Variants in SAMD12 observed in about 807,000 individuals in gnomAD.
SAMD12 encodes sterile alpha motif domain containing 12, also known as sterile alpha motif domain-containing protein 12.
A neutral mutation model predicts 15.0 loss-of-function variants in SAMD12; 9 were observed. That is an observed-to-expected ratio of 0.60 (90% CI 0.36 to 1.05). The LOEUF (loss-of-function observed/expected upper bound fraction) is 1.05. Among genes scored for constraint, SAMD12 ranks in the 50% least tolerant of loss-of-function variants. The pLI, the probability that SAMD12 is intolerant of heterozygous loss-of-function variation, is 0.01. For missense variants in SAMD12, 230 were observed against 234.2 expected (o/e 0.98, Z 0.12); for synonymous variants, 86 against 90.1 (o/e 0.96, Z 0.25).
At chr8:118,365,709 T>G (rs917319705) in intron 4 of SAMD12, among the ~76,000 whole-genome samples, 2 of 152,148 alleles carry the variant, frequency 1.3e-5, no homozygotes, top group Non-Finnish European at 1.5e-5. Context: ...TCTCCTCTTA[T>G]ATGTCTATAT....
chr8:118,187,049 G>A (rs2129712963), downstream of SAMD12, among the ~76,000 whole-genome samples: 1 of 152,236 alleles, frequency 6.6e-6, no homozygotes, highest in East Asian at 1.9e-4. Context: ...ACTGGGCCAT[G>A]GGAACCTAAT....
intron 2 of SAMD12, among the ~76,000 whole-genome samples, chr8:118,551,044 C>T (rs1826315767): frequency 6.6e-6 from 1 of 152,060 alleles, no homozygotes; most frequent in Non-Finnish European, 1.5e-5. Flanking sequence ...CCTGAGTGAC[C>T]TACAAGGAGA....
At chr8:118,527,499 A>G (rs150301063) in intron 2 of SAMD12, among the ~76,000 whole-genome samples, 312 of 152,312 alleles carry the variant, frequency 2.0e-3, no homozygotes, top group African/African-American at 7.1e-3. Context: ...CAATTTTATA[A>G]TCAGCAGTGA....
chr8:118,543,454 C>T (rs1826038210), intron 2 of SAMD12, among the ~76,000 whole-genome samples: 1 of 152,156 alleles, frequency 6.6e-6, no homozygotes, highest in South Asian at 2.1e-4. Flanking sequence ...GCCAGCTTTT[C>T]TTTCCCTACT....
chr8:118,203,346 C>A lies in SAMD12; in HGVS notation c.434-5614G>T, dbSNP rs923716393. On this transcript the variant is annotated intron_variant, in intron 4 of 4. Coordinates refer to the SAMD12 transcript ENST00000409003. ...CTGGATATAATTTTGCCCCCTACAG[C>A]ACAAATGGCAATGTCTGGAGACACT... 2.0e-5 allele frequency among the ~76,000 whole-genome samples: 3 copies of A among 151,948 alleles called. No individual in the cohort carries two copies. The South Asian group carries it at 6.3e-4, about 32-fold the overall frequency.
chr8:118,347,437 C>T (rs1214877061), intron 4 of SAMD12, among the ~76,000 whole-genome samples: 3 of 152,184 alleles, frequency 2.0e-5, no homozygotes, highest in Middle Eastern at 3.2e-3. Context: ...TCACAACCTT[C>T]TAAGGAAAAC....
At chr8:118,282,600 T>C (rs1813705765) in intron 4 of SAMD12, among the ~76,000 whole-genome samples, 1 of 152,140 alleles carries the variant, frequency 6.6e-6, no homozygotes, top group African/African-American at 2.4e-5. Context: ...GTGGTGGTGG[T>C]GGTTATTCTT....
intron 4 of SAMD12, among the ~76,000 whole-genome samples, chr8:118,257,521 A>C (rs906992290): frequency 6.6e-6 from 1 of 152,122 alleles, no homozygotes. Context: ...TCTCTTCAAC[A>C]GAACTCCTCC....
intron 4 of SAMD12, among the ~76,000 whole-genome samples, chr8:118,310,930 T>A (rs373691348): frequency 2.8e-4 from 42 of 152,222 alleles, no homozygotes; most frequent in African/African-American, 9.9e-4. Flanking sequence ...ATCCTCTGTA[T>A]CTTGAATGGC....
At chr8:118,220,871 C>T (rs976735116) in intron 4 of SAMD12, among the ~76,000 whole-genome samples, 4 of 152,080 alleles carry the variant, frequency 2.6e-5, no homozygotes, top group African/African-American at 9.7e-5. Flanking sequence ...AGTGATTATG[C>T]AAATAGGCAA....
At chr8:118,467,869 T>G (rs552937205) in intron 2 of SAMD12, among the ~76,000 whole-genome samples, 1 of 152,318 alleles carries the variant, frequency 6.6e-6, no homozygotes, top group Non-Finnish European at 1.5e-5. Context: ...ACTCTGTCAA[T>G]TCAAGAGCCT....
At chr8:118,611,444 G>A (rs551267063) in intron 1 of SAMD12, among the ~76,000 whole-genome samples, 4 of 152,250 alleles carry the variant, frequency 2.6e-5, no homozygotes, top group African/African-American at 7.2e-5. Context: ...GTAATGACTC[G>A]ACTGAGGCAA....
intron 2 of SAMD12, among the ~76,000 whole-genome samples, chr8:118,530,340 T>C (rs1415443660): frequency 6.6e-6 from 1 of 152,182 alleles, no homozygotes; most frequent in Non-Finnish European, 1.5e-5. Flanking sequence ...TAATATCTGA[T>C]AGGTAGTTTT....
chr8:118,272,985 C>T (rs980737443), intron 4 of SAMD12, among the ~76,000 whole-genome samples: 4 of 152,172 alleles, frequency 2.6e-5, no homozygotes, highest in African/African-American at 9.7e-5. Flanking sequence ...GCCTGTTACC[C>T]AGTTCCAAAG....
At chr8:118,428,361 T>C (rs548060905) in intron 3 of SAMD12, among the ~76,000 whole-genome samples, 2 of 151,062 alleles carry the variant, frequency 1.3e-5, no homozygotes, top group South Asian at 4.2e-4. Context: ...TGCCAAGAGC[T>C]CAAGTCCAGC....
At chr8:118,136,960 C>A in the SAMD12 span, among the ~76,000 whole-genome samples, 15 of 152,330 alleles carry the variant, frequency 9.8e-5, no homozygotes, top group African/African-American at 3.4e-4. Context: ...GGTTTGACTG[C>A]TAGTTGTCCA....
rs1316887736 is a variant in SAMD12, at chr8:118,621,718, C to A, written c.13+86G>T. 6.6e-6 allele frequency: 10 copies of A among 1,510,362 alleles called. No homozygotes were observed. The African/African-American group carries it at 1.2e-4, about 19-fold the overall frequency. 93.6% of individuals were successfully genotyped at this position (1,510,362 alleles called of 1,614,324 possible). A position where few individuals can be genotyped will look rare whatever the true frequency, so the allele number is the denominator to read the frequency against. ...TCCGCCACCCCCTTTCCTCGCCTCCCCACGATCGCCAAGCTTCATCGGGGA... is the reference window on the plus strand; with the variant it reads ...TCCGCCACCCCCTTTCCTCGCCTCCACACGATCGCCAAGCTTCATCGGGGA... On this transcript the variant is annotated intron_variant, in intron 1 of 3. Transcript: ENST00000314727.
chr8:118,259,549 T>C (rs1813029475), intron 4 of SAMD12, among the ~76,000 whole-genome samples: 1 of 152,122 alleles, frequency 6.6e-6, no homozygotes, highest in Admixed American at 6.6e-5. Context: ...GAACACAATT[T>C]AATCATTTGA....
At chr8:118,485,737 T>C (rs1007094257) in intron 2 of SAMD12, among the ~76,000 whole-genome samples, 1 of 152,228 alleles carries the variant, frequency 6.6e-6, no homozygotes, top group Non-Finnish European at 1.5e-5. Flanking sequence ...CTAAAAGTAG[T>C]GTTTGAGGAT....
Sources: gnomAD v4.1 joint callset for allele counts (sites outside exome capture counted in the v4.1 genomes callset) on GRCh38, gnomAD v4.1.1 for gene constraint, MANE v1.5 for transcripts, NCBI Gene and HGNC (gene_info 2026-07-23, HGNC 2026-07-21) for gene names.